TNS1: variants seen among roughly 807,000 people sequenced by gnomAD.
TNS1 encodes tensin-1.
Under a neutral mutation model 168.6 loss-of-function variants are expected in TNS1, and 62 were observed. The ratio of observed to expected loss-of-function variants is 0.37; its 90% CI spans 0.30 to 0.45. TNS1 has a LOEUF of 0.45. Among genes scored for constraint, TNS1 ranks in the 20% least tolerant of loss-of-function variants. TNS1 has a pLI of 1.00. For synonymous variants in TNS1, 934 were observed against 933.2 expected (o/e 1.00, Z -0.02); for missense variants, 2,240 against 2,339.4 (o/e 0.96, Z 0.88).
intron 3 of TNS1, among the ~76,000 whole-genome samples, chr2:217,939,338 G>A (rs1194241284): frequency 6.6e-6 from 1 of 152,100 alleles, no homozygotes; most frequent in East Asian, 1.9e-4. Context: ...TCCTCACCAG[G>A]CCTCATCAAA....
intron 3 of TNS1, among the ~76,000 whole-genome samples, chr2:217,970,951 C>T (rs1203761378): frequency 1.3e-5 from 2 of 151,724 alleles, no homozygotes; most frequent in African/African-American, 2.4e-5. Flanking sequence ...CCCCAGGAAG[C>T]GCTATTAAAT....
intron 23 of TNS1, among the ~76,000 whole-genome samples, chr2:217,819,429 G>A (rs566554788): frequency 1.3e-5 from 2 of 152,336 alleles, no homozygotes; most frequent in African/African-American, 4.8e-5. Context: ...CATTTAAGCA[G>A]AGGCTGACAG....
chr2:217,902,326 G>A (rs541230303), intron 6 of TNS1, among the ~76,000 whole-genome samples: 14 of 152,276 alleles, frequency 9.2e-5, no homozygotes, highest in South Asian at 8.3e-4. Context: ...TTGCTGATCC[G>A]TAGCCACTTT....
intron 28 of TNS1, 79 bp downstream of exon 28, chr2:217,812,289 G>T: frequency 8.0e-7 from 1 of 1,244,044 alleles, no homozygotes; most frequent in African/African-American, 1.5e-5. Context: ...GCCCATGTCC[G>T]GAGTGGCTGG....
chr2:217,930,513 A>G (rs1007263885), intron 3 of TNS1, among the ~76,000 whole-genome samples: 6 of 152,234 alleles, frequency 3.9e-5, no homozygotes. Flanking sequence ...CTGGAGGGCC[A>G]GGCTGAGGCC....
intron 1 of TNS1, among the ~76,000 whole-genome samples, chr2:217,991,349 T>C (rs950921734): frequency 4.6e-5 from 7 of 152,010 alleles, no homozygotes; most frequent in African/African-American, 1.7e-4. Flanking sequence ...TCATTTATTA[T>C]GAAGGCATGG....
At chr2:217,831,707 G>T (rs1029033290) in intron 21 of TNS1, among the ~76,000 whole-genome samples, 160 bp from the exon 22 acceptor site, 1 of 152,116 alleles carries the variant, frequency 6.6e-6, no homozygotes, top group Admixed American at 6.5e-5. Context: ...GCCCTTTCCC[G>T]CCTCCGTATT....
chr2:217,854,751 G>A (rs1947923937), intron 18 of TNS1, among the ~76,000 whole-genome samples: 1 of 152,182 alleles, frequency 6.6e-6, no homozygotes, highest in African/African-American at 2.4e-5. Context: ...CCAGCCATGG[G>A]AAGAGGCAGG....
At chr2:217,885,582 G>A (rs1238911012) in intron 15 of TNS1, among the ~76,000 whole-genome samples, 162 bp downstream of exon 15, 1 of 152,200 alleles carries the variant, frequency 6.6e-6, no homozygotes, top group East Asian at 1.9e-4. Flanking sequence ...GACACAGACT[G>A]TGTGAGACTG....
intron 16 of TNS1, among the ~76,000 whole-genome samples, chr2:217,884,162 G>T (rs1950961393): frequency 6.6e-6 from 1 of 152,010 alleles, no homozygotes; most frequent in Non-Finnish European, 1.5e-5. Flanking sequence ...TGGATGGATG[G>T]ATGGATGGAT....
intron 3 of TNS1, among the ~76,000 whole-genome samples, chr2:217,937,557 C>T (rs1396965091): frequency 2.0e-5 from 3 of 152,148 alleles, no homozygotes; most frequent in Admixed American, 6.5e-5. Flanking sequence ...GGGCCCTAAT[C>T]AGCAGGACTT....
At chr2:217,903,673 T>C (rs562194665) in intron 6 of TNS1, 2 of 1,397,350 alleles carry the variant, frequency 1.4e-6, no homozygotes, top group Admixed American at 2.0e-5. Flanking sequence ...CCAGACAGAG[T>C]GTCTTACTTT....
chr2:218,006,436 T>A (rs148005587), upstream of TNS1, among the ~76,000 whole-genome samples: 5 of 152,360 alleles, frequency 3.3e-5, 1 homozygote, highest in African/African-American at 1.2e-4. Context: ...CTTTGACTCT[T>A]GTCCACCAAA....
At chr2:217,822,688 G>C (rs552709787) in intron 22 of TNS1, among the ~76,000 whole-genome samples, 2 of 152,192 alleles carry the variant, frequency 1.3e-5, no homozygotes, top group Admixed American at 6.5e-5. Context: ...CAGCCTAAGA[G>C]GGGGTGGGGG....
intron 27 of TNS1, 146 bp from the exon 28 acceptor site, chr2:217,812,591 C>T (rs1941139459): frequency 1.7e-5 from 11 of 637,754 alleles, no homozygotes; most frequent in South Asian, 6.4e-5. Context: ...AAAATTCACA[C>T]CCTCTTGTTG....
At chr2:218,015,911 G>A (rs111779118) in intron 1 of TNS1, among the ~76,000 whole-genome samples, 84 of 152,356 alleles carry the variant, frequency 5.5e-4, no homozygotes, top group African/African-American at 1.9e-3. Flanking sequence ...GGAGACTGCA[G>A]ACCTAGGAGC....
At chr2:217,879,109 A>C (rs899572273) in intron 18 of TNS1, among the ~76,000 whole-genome samples, 15 of 152,274 alleles carry the variant, frequency 9.9e-5, no homozygotes, top group Non-Finnish European at 1.8e-4. Context: ...TCCCACTCTG[A>C]CCGTCTGCTC....
At position 217,988,625 on chromosome 2, in the gene TNS1, ATTC is replaced by A. The variant is rs772010443; in HGVS notation, c.148+2314_148+2316del. ...AAAATGCAAAACTTCACCTCTAGCA[ATTC>A]TTCTGTGACTTCTCCCCTGGCTCCA... is the stretch of plus-strand genomic sequence containing the variant. On this transcript the variant is annotated intron_variant, in intron 2 of 32. Transcript: ENST00000682258. 1.1e-3 allele frequency among the ~76,000 whole-genome samples: 171 copies of A among 152,196 alleles called. 1 individual carries two copies. Among genetic ancestry groups the A allele is most frequent in the Non-Finnish European group, 2.0e-3 (134 of 68,004 alleles).
intron 4 of TNS1, among the ~76,000 whole-genome samples, chr2:217,909,422 C>T (rs1258111945): frequency 6.6e-6 from 1 of 152,190 alleles, no homozygotes; most frequent in African/African-American, 2.4e-5. Flanking sequence ...GCCCCAGGCC[C>T]GTTCAGGGCC....
Sources: gnomAD v4.1 joint callset for allele counts (sites outside exome capture counted in the v4.1 genomes callset) on GRCh38, gnomAD v4.1.1 for gene constraint, MANE v1.5 for transcripts, NCBI Gene and HGNC (gene_info 2026-07-23, HGNC 2026-07-21) for gene names.